Variants in UBR4 observed in about 807,000 individuals in gnomAD.
UBR4 encodes the protein ubiquitin protein ligase E3 component n-recognin 4, also known as E3 ubiquitin-protein ligase UBR4.
UBR4 carries 124 observed loss-of-function variants against 575.6 expected under a neutral mutation model. The ratio of observed to expected loss-of-function variants is 0.22; its 90% confidence interval spans 0.19 to 0.25. UBR4 has a LOEUF of 0.25. Ranked by LOEUF, UBR4 falls within the 10% of genes least tolerant of loss-of-function variation. The pLI is 1.00. For missense variants in UBR4, 4,818 were observed against 6,478.8 expected (o/e 0.74, Z 8.80); for synonymous variants, 2,455 against 2,473.7 (o/e 0.99, Z 0.22).
chr1:19,081,244 C>A (rs113571115), intron 103 of UBR4, 105 bp downstream of exon 103: 23 of 977,636 alleles, frequency 2.4e-5, no homozygotes, highest in Middle Eastern at 6.7e-4. Flanking sequence ...TCAACCACCG[C>A]AGTCACAAAG....
intron 102 of UBR4, among the ~76,000 whole-genome samples, chr1:19,083,137 C>T (rs951201189): frequency 1.3e-5 from 2 of 152,086 alleles, no homozygotes; most frequent in South Asian, 2.1e-4. Context: ...TGTCCAGGGC[C>T]CCAGGAACAC....
chr1:19,093,091 T>TA lies in UBR4; in HGVS notation c.14112-174_14112-173insT. On this transcript the variant is annotated intron_variant, in intron 96 of 105. Coordinates refer to ENST00000375254, the MANE Select transcript of UBR4 (RefSeq NM_020765.3). The surrounding 1 kb of genome is among the most constrained non-coding windows in gnomAD (Gnocchi z 4.8). ...GCTCAGCTGAAAAGCCAGAAAGAAG[T>TA]GAGTACTCTAAGTAGAAACCAAAAA... Among the ~76,000 whole-genome samples the TA allele has an allele frequency of 6.6e-6, 1 of 152,152 alleles. No homozygotes were observed. The highest frequency in any genetic ancestry group is 1.9e-4 in the East Asian group (1 of 5,184).
rs1191478496 is a variant in UBR4, at chr1:19,148,706, G to A, written c.7431-80C>T. The A allele has an allele frequency of 3.3e-6, 5 of 1,503,150 alleles. No individual in the cohort carries two copies. In the Admixed American group the frequency reaches 8.6e-5, roughly 26 times the overall value. The allele number at this position is 1,503,150 out of a possible 1,614,324, so 93.1% of individuals were successfully genotyped here. ...TTTAGCCTAAGCAAACTATAGTCAT[G>A]AGGACCTTGGGGACAGCTAATGAAT... On this transcript the variant is annotated intron_variant, in intron 49 of 105. Coordinates refer to ENST00000375254, the MANE Select transcript of UBR4 (RefSeq NM_020765.3).
rs773079326 is a variant in UBR4, at chr1:19,179,209, C to G, written c.2196G>C (p.Leu732Phe). The change falls in exon 18 of 106, where the codon TTG becomes TTC. Residue 732 changes from leucine to phenylalanine, a missense_variant. Physicochemically the swap from Leu to Phe is conservative, Grantham distance 22. This residue lies in a region of UBR4 where 1,172 missense variants were observed against 1,259.7 expected (regional missense o/e 0.93). Coordinates refer to ENST00000375254, the MANE Select transcript of UBR4 (RefSeq NM_020765.3). ...LQSPNLQNTLLQQLGVAPFSE... is the reference protein window; with the variant it reads ...LQSPNLQNTLFQQLGVAPFSE... Reference sequence around the variant, plus strand: ...AAAAAGGAGCCACTCCTAGCTGCTGCAACAGTGTGTTCTGACAAGAAAGAC... The same window carrying G: ...AAAAAGGAGCCACTCCTAGCTGCTGGAACAGTGTGTTCTGACAAGAAAGAC... 1 of 1,578,020 alleles carries G rather than the reference C, an allele frequency of 6.3e-7. No individual in the cohort carries two copies. Among genetic ancestry groups the G allele is most frequent in the Non-Finnish European group, 8.5e-7 (1 of 1,169,712 alleles).
intron 65 of UBR4, among the ~76,000 whole-genome samples, chr1:19,124,048 C>T (rs1174054027): frequency 6.6e-6 from 1 of 152,208 alleles, no homozygotes; most frequent in Non-Finnish European, 1.5e-5. Flanking sequence ...TGCACCCTGG[C>T]AGCCACAGTG....
Position 19,178,279 on chromosome 1 carries a change from G to C in UBR4, c.2355-536C>G, listed in dbSNP as rs143898209. Among the ~76,000 whole-genome samples, 198 of 152,344 alleles carry C rather than the reference G, an allele frequency of 1.3e-3. 3 individuals are homozygous for C. The East Asian group carries it at 0.034, about 26-fold the overall frequency. ...AGAAAATATACTATTCAGAGAATTTGTCAGAAGAGCTTTAATGCAAAAAAG... is the reference window on the plus strand; with the variant it reads ...AGAAAATATACTATTCAGAGAATTTCTCAGAAGAGCTTTAATGCAAAAAAG... On this transcript the variant is annotated intron_variant, in intron 18 of 105. Coordinates refer to ENST00000375254, the MANE Select transcript of UBR4 (RefSeq NM_020765.3).
rs889824297 is a variant in UBR4 at position 19,118,666 on chromosome 1, C to A, written c.10541+206G>T. The A allele has an allele frequency of 2.2e-5, 13 of 593,686 alleles. No homozygotes were observed. In the Admixed American group the frequency reaches 3.9e-4, roughly 18 times the overall value. 36.8% of individuals were successfully genotyped at this position (593,686 alleles called of 1,614,324 possible). A position where few individuals can be genotyped will look rare whatever the true frequency, so the allele number is the denominator to read the frequency against. ...ACAGACCTTTCTACATTACTACTCA[C>A]CAAACCCTGAACTCAGCAATGACAT... is the stretch of plus-strand genomic sequence containing the variant. On this transcript the variant is annotated intron_variant, in intron 71 of 105. Transcript: ENST00000375254.
In UBR4 at chr1:19,169,448, T is replaced by C. The variant is rs2089149743; in HGVS notation, c.3728A>G (p.Asn1243Ser). The change falls in exon 27 of 106, where the codon AAT becomes AGT. Residue 1243 changes from asparagine (N) to serine (S), a missense_variant. Coordinates refer to ENST00000375254, the MANE Select transcript of UBR4 (RefSeq NM_020765.3). ...ATAGGGACTCACCCAGGATCCAATA[T>C]TGGGAAATTCATTGGTATTGATGTT... ...WNNINTNEFP[N>S]IGSWRNAFAN... is the part of the protein sequence containing the mutation. The C allele has an allele frequency of 4.3e-6, 7 of 1,613,492 alleles. No individual in the cohort carries two copies. The highest frequency in any genetic ancestry group is 2.2e-5 in the East Asian group (1 of 44,856).
At chr1:19,104,806 A>T (rs1443812162) in intron 85 of UBR4, 140 bp from the exon 86 acceptor site, 2 of 1,139,026 alleles carry the variant, frequency 1.8e-6, no homozygotes, top group African/African-American at 1.5e-5. Context: ...ACTCCTTTCC[A>T]GGAAGCCAAC....
chr1:19,199,117 A>AT (rs1558016577), intron 3 of UBR4, among the ~76,000 whole-genome samples, 189 bp from the exon 4 acceptor site: 2 of 152,322 alleles, frequency 1.3e-5, no homozygotes, highest in South Asian at 2.1e-4. Context: ...TTCTCACAAT[A>AT]TTTTTTTAAA....
chr1:19,147,089 G>T, intron 51 of UBR4, 89 bp from the exon 52 acceptor site: 6 of 1,404,872 alleles, frequency 4.3e-6, no homozygotes, highest in Non-Finnish European at 9.6e-7. Flanking sequence ...AGATCACCAG[G>T]ATTATTACCT....
chr1:19,175,834 A>C (rs1029916928), intron 20 of UBR4, among the ~76,000 whole-genome samples: 7 of 152,138 alleles, frequency 4.6e-5, no homozygotes, highest in African/African-American at 1.7e-4. Flanking sequence ...CACTCTGTCA[A>C]CCAGGCTGGA....
Position 19,151,791 on chromosome 1 carries a change from C to G in UBR4, c.7065G>C (p.Gln2355His), listed in dbSNP as rs1413335054. Residue 2355 changes from glutamine to histidine, a missense_variant, in exon 48 of 106, where the codon CAG (glutamine) becomes CAC (histidine). Gln to His is a conservative substitution (Grantham distance 24, BLOSUM62 0). This residue lies in a region of UBR4 where 461 missense variants were observed against 606.9 expected (regional missense o/e 0.76). Transcript: ENST00000375254. ...STMVMTGMRI[Q>H]IGTQAIERAP... The stretch of plus-strand genomic sequence containing the variant: ...CCCGTTCTATTGCTTGAGTCCCAAT[C>G]TGGATCCGCATGCCTGTCATCACCA... 4 of 1,614,040 alleles carry G rather than the reference C, an allele frequency of 2.5e-6. No homozygotes were observed. In the Admixed American group the frequency reaches 5.0e-5, roughly 20 times the overall value.
In UBR4 at chr1:19,210,209, G is replaced by A. The variant is rs776078315; in HGVS notation, c.40C>T (p.Pro14Ser). The change falls in exon 1 of 106, where the codon CCG (proline) becomes TCG (serine). Residue 14 changes from proline (P) to serine (S), a missense_variant. By Grantham distance (74) the Pro-to-Ser change is moderately conservative. Transcript: ENST00000375254. ...CCCGTTGCCGGGGTCCCCGGCGCCG[G>A]AGCCGCTGCCGCCGCCTCTTCGCCG... ...SGGEEAAAAAPAPGTPATGAD... is the reference protein window; with the variant it reads ...SGGEEAAAAASAPGTPATGAD... The A allele has an allele frequency of 2.7e-5, 39 of 1,456,096 alleles. No homozygotes were observed. The highest frequency in any genetic ancestry group is 2.3e-4 in the Middle Eastern group (1 of 4,396). The allele number at this position is 1,456,096 out of a possible 1,614,324, so 90.2% of individuals were successfully genotyped here.
intron 21 of UBR4, 40 bp from the exon 22 acceptor site, chr1:19,174,487 A>G (rs745805177): frequency 5.0e-6 from 8 of 1,597,052 alleles, no homozygotes; most frequent in Non-Finnish European, 6.8e-6. Context: ...CCTTACTTTT[A>G]AAGTATTTTT....
intron 29 of UBR4, 142 bp downstream of exon 29, chr1:19,166,880 A>T: frequency 2.2e-6 from 2 of 930,002 alleles, no homozygotes. Context: ...TGGGCGACAG[A>T]GCGAGACCAT....
intron 64 of UBR4, among the ~76,000 whole-genome samples, chr1:19,125,349 A>G (rs1277999510): frequency 1.3e-5 from 2 of 152,210 alleles, no homozygotes; most frequent in South Asian, 2.1e-4. Flanking sequence ...GGAATAAAAT[A>G]TGGTTTCTGC....
chr1:19,207,660 A>G (rs895599286), intron 1 of UBR4, among the ~76,000 whole-genome samples: 2 of 152,306 alleles, frequency 1.3e-5, no homozygotes, highest in Non-Finnish European at 1.5e-5. Context: ...AAACTTTTGA[A>G]AACCAGAATA....
At chr1:19,140,728 T>C (rs537776086) in intron 58 of UBR4, 60 bp downstream of exon 58, 6 of 1,522,322 alleles carry the variant, frequency 3.9e-6, no homozygotes, top group Middle Eastern at 1.7e-4. Context: ...CTCACAGCAG[T>C]GGAAACAAGG....
Sources: allele counts gnomAD v4.1 joint callset (sites outside exome capture counted in the v4.1 genomes callset), GRCh38; gene constraint gnomAD v4.1.1; regional missense constraint gnomAD v4.1.1; non-coding constraint Gnocchi (gnomAD v3.1); transcripts MANE v1.5; gene names NCBI Gene and HGNC (gene_info 2026-07-23, HGNC 2026-07-21).